The following KLF15 variants were observed in gnomAD, a reference collection of about 807,000 sequenced individuals.
The protein encoded by KLF15 is KLF transcription factor 15.
In KLF15, 4 loss-of-function variants were observed where a neutral mutation model predicts 24.6. The observed-to-expected ratio is 0.16, with a 90% CI of 0.08 to 0.37. KLF15 has a LOEUF of 0.37. Ranked by LOEUF, KLF15 falls within the 10% of genes least tolerant of loss-of-function variation. The pLI, the probability that KLF15 is intolerant of heterozygous loss-of-function variation, is 1.00. For missense variants in KLF15, 496 were observed against 560.6 expected (o/e 0.88, Z 1.16); for synonymous variants, 246 against 236.3 (o/e 1.04, Z -0.37).
chr3:126,293,216 G>A, the KLF15 span, among the ~76,000 whole-genome samples: 1 of 151,946 alleles, frequency 6.6e-6, no homozygotes, highest in Non-Finnish European at 1.5e-5. Context: ...TTGGGAGGCT[G>A]AAGTGGGAGA....
At chr3:126,339,621 C>T (rs748533019), downstream of KLF15, among the ~76,000 whole-genome samples, 50 of 152,316 alleles carry the variant, frequency 3.3e-4, no homozygotes, top group African/African-American at 1.2e-3. Flanking sequence ...GGGTTCAGAT[C>T]GCCTCCTCAT....
downstream of KLF15, chr3:126,342,545 G>C (rs1196651567): frequency 6.6e-6 from 1 of 152,462 alleles, no homozygotes; most frequent in East Asian, 1.9e-4. Flanking sequence ...AGAGTTCCCT[G>C]AACTCTGCGA....
rs2082490229 is a variant in KLF15, at chr3:126,342,919, G to A, written c.*808C>T. 1.4e-5 allele frequency: 2 copies of A among 147,838 alleles called. No individual in the cohort carries two copies. The highest frequency in any genetic ancestry group is 2.9e-5 in the Non-Finnish European group (2 of 67,922). The allele number at this position is 147,838 out of a possible 1,614,324, so 9.2% of individuals were successfully genotyped here. On this transcript the variant is annotated 3_prime_UTR_variant, in exon 3 of 3. Transcript: ENST00000296233. ...TGCATTTCTAAATCAGGGTTGGGAG[G>A]CTCTATCTAGTTCTCTCACACCCAG...
rs1040363997 is a variant in KLF15 at position 126,342,725 on chromosome 3, C to T, written c.*1002G>A. 1 of 152,494 alleles carries T rather than the reference C, an allele frequency of 6.6e-6. No homozygotes were observed. Among genetic ancestry groups the T allele is most frequent in the Non-Finnish European group, 1.5e-5 (1 of 68,022 alleles). The allele number at this position is 152,494 out of a possible 1,614,324, so 9.4% of individuals were successfully genotyped here. A position where few individuals can be genotyped will look rare whatever the true frequency, so the allele number is the denominator to read the frequency against. On this transcript the variant is annotated 3_prime_UTR_variant, in exon 3 of 3. Coordinates refer to ENST00000296233, the MANE Select transcript of KLF15 (RefSeq NM_014079.4). ...CGTAATTGTAACATATGTACACCAG[C>T]TTCATAGATTTTTTTAAATTTCAAA...
the KLF15 span, among the ~76,000 whole-genome samples, chr3:126,288,579 G>C: frequency 6.6e-6 from 1 of 152,226 alleles, no homozygotes; most frequent in Non-Finnish European, 1.5e-5. Context: ...GCGGCCTCCC[G>C]GACACCAACA....
chr3:126,294,183 G>A, the KLF15 span, among the ~76,000 whole-genome samples: 1 of 152,176 alleles, frequency 6.6e-6, no homozygotes, highest in Non-Finnish European at 1.5e-5. Context: ...CGGTGGGCCA[G>A]ATCAGTGGGT....
rs2082629557 is a variant in KLF15, at chr3:126,356,050, C to G, written c.-26+1187G>C. ...CGCCCCCTCCCCTGGCCCGGCCAGGCCTGCTGTTTATCCTCCCGGGGACAC... is the reference window on the plus strand; with the variant it reads ...CGCCCCCTCCCCTGGCCCGGCCAGGGCTGCTGTTTATCCTCCCGGGGACAC... On this transcript the variant is annotated intron_variant, in intron 1 of 2. Coordinates refer to ENST00000296233, the MANE Select transcript of KLF15 (RefSeq NM_014079.4). This position sits in a 1 kb window ranked among gnomAD's most constrained non-coding sequence, Gnocchi z 4.4. Among the ~76,000 whole-genome samples, 3 of 152,218 alleles carry G rather than the reference C, an allele frequency of 2.0e-5. No homozygotes were observed. Among genetic ancestry groups the G allele is most frequent in the Admixed American group, 1.3e-4 (2 of 15,292 alleles).
At chr3:126,329,781 G>A in the KLF15 span, among the ~76,000 whole-genome samples, 1 of 144,842 alleles carries the variant, frequency 6.9e-6, no homozygotes, top group African/African-American at 2.5e-5. Context: ...AAAAAGGTAA[G>A]CAATTCCAGT....
chr3:126,312,381 C>T, the KLF15 span, among the ~76,000 whole-genome samples: 349 of 152,174 alleles, frequency 2.3e-3, no homozygotes, highest in African/African-American at 7.1e-3. Flanking sequence ...CACTATGTTG[C>T]CCAAGCTAGT....
chr3:126,330,820 T>C, the KLF15 span, among the ~76,000 whole-genome samples: 1 of 152,248 alleles, frequency 6.6e-6, no homozygotes, highest in African/African-American at 2.4e-5. Flanking sequence ...GGAAAAGCTC[T>C]ATCTTTTCTC....
chr3:126,348,014 G>C (rs1015188630), intron 2 of KLF15, among the ~76,000 whole-genome samples: 4 of 152,178 alleles, frequency 2.6e-5, no homozygotes, highest in Non-Finnish European at 5.9e-5. Context: ...CTCCCCCACG[G>C]GGAGTAGGTG....
chr3:126,346,295 T>G (rs1478958186), intron 2 of KLF15, among the ~76,000 whole-genome samples: 1 of 152,030 alleles, frequency 6.6e-6, no homozygotes, highest in Non-Finnish European at 1.5e-5. Flanking sequence ...GCTGCAGCCC[T>G]GGGGTCACCC....
the KLF15 span, among the ~76,000 whole-genome samples, chr3:126,312,026 T>G: frequency 6.6e-6 from 1 of 152,292 alleles, no homozygotes; most frequent in Admixed American, 6.5e-5. Flanking sequence ...CTGATTTGGC[T>G]GACCAGGCAG....
chr3:126,342,419 G>A (rs2082486219), downstream of KLF15, among the ~76,000 whole-genome samples: 1 of 152,214 alleles, frequency 6.6e-6, no homozygotes, highest in South Asian at 2.1e-4. Flanking sequence ...CCAGGTCAGG[G>A]AGCCGGGATG....
rs1314604753 is a variant in KLF15, at chr3:126,343,608, A to G, written c.*119T>C. ...CCTGGGTTCACACCTCCCAGGCTTC[A>G]GAAGGTGGGCTGGTAACATTGCCAT... On this transcript the variant is annotated 3_prime_UTR_variant, in exon 3 of 3. Transcript: ENST00000296233. 2.9e-6 allele frequency: 3 copies of G among 1,037,274 alleles called. No homozygotes were observed. The highest frequency in any genetic ancestry group is 2.8e-6 in the Non-Finnish European group (2 of 708,654). The allele number at this position is 1,037,274 out of a possible 1,614,324, so 64.3% of individuals were successfully genotyped here.
the KLF15 span, among the ~76,000 whole-genome samples, chr3:126,326,518 G>A: frequency 3.3e-5 from 5 of 152,234 alleles, no homozygotes; most frequent in Non-Finnish European, 4.4e-5. Flanking sequence ...ATTTATAGAT[G>A]AATATGATGA....
At chr3:126,301,209 T>G in the KLF15 span, among the ~76,000 whole-genome samples, 3 of 152,350 alleles carry the variant, frequency 2.0e-5, no homozygotes, top group Admixed American at 1.3e-4. Context: ...CAGGGCTTTC[T>G]GTGTAGCCGC....
chr3:126,308,172 G>A, the KLF15 span, among the ~76,000 whole-genome samples: 5 of 152,302 alleles, frequency 3.3e-5, no homozygotes, highest in Non-Finnish European at 5.9e-5. Context: ...CAGGAAGCGC[G>A]CTGCCCTGGC....
Position 126,343,799 on chromosome 3 carries a change from G to T in KLF15, c.1179C>A (p.Ser393Arg). 1.2e-6 allele frequency: 2 copies of T among 1,611,734 alleles called. No homozygotes were observed. Among genetic ancestry groups the T allele is most frequent in the South Asian group, 2.2e-5 (2 of 90,984 alleles). ...CPVCEKKFAR[S>R]DHLSKHIKVH... ...CCTTGATGTGCTTGGAGAGGTGGTC[G>T]CTCCGCGCGAACTTCTTCTCGCACA... Residue 393 changes from serine (S) to arginine (R), a missense_variant, in exon 3 of 3, where the codon AGC becomes AGA. Around this residue, in one of 3 missense-constraint regions of KLF15, gnomAD observed 59 missense variants for 106.1 expected, o/e 0.56. Transcript: ENST00000296233.
Sources: allele counts gnomAD v4.1 joint callset (sites outside exome capture counted in the v4.1 genomes callset), GRCh38; gene constraint gnomAD v4.1.1; regional missense constraint gnomAD v4.1.1; non-coding constraint Gnocchi (gnomAD v3.1); transcripts MANE v1.5; gene names NCBI Gene and HGNC (gene_info 2026-07-23, HGNC 2026-07-21).